CSMD3: variants seen among roughly 807,000 people sequenced by gnomAD.
CSMD3 encodes the protein CUB and sushi domain-containing protein 3.
A neutral mutation model predicts 435.2 loss-of-function variants in CSMD3; 177 were observed. The observed-to-expected ratio is 0.41, with a 90% confidence interval of 0.36 to 0.46. The LOEUF (loss-of-function observed/expected upper bound fraction) is 0.46. Among genes scored for constraint, CSMD3 ranks in the 20% least tolerant of loss-of-function variants. The probability of loss-of-function intolerance (pLI) is 0.34; values close to 1 mark genes in which losing one functional copy is unlikely to be tolerated. For missense variants in CSMD3, 4,265 were observed against 4,504.6 expected, an observed-to-expected ratio of 0.95 and a Z score of 1.52; for synonymous variants, 1,656 against 1,520.5, an observed-to-expected ratio of 1.09 and a Z score of -2.07.
At chr8:113,307,325 C>T (rs2093829398) in intron 2 of CSMD3, among the ~76,000 whole-genome samples, 1 of 152,012 alleles carries the variant, frequency 6.6e-6, no homozygotes, top group Non-Finnish European at 1.5e-5. Flanking sequence ...AAATGTACAC[C>T]TTAATTCTTC....
In CSMD3 at chr8:113,278,698, T is replaced by A. The variant is rs2132459695; in HGVS notation, c.408A>T (p.Thr136=). 6.7e-7 allele frequency: 1 copy of A among 1,495,164 alleles called. No homozygotes were observed. The highest frequency in any genetic ancestry group is 9.3e-7 in the Non-Finnish European group (1 of 1,072,132). 92.6% of individuals were successfully genotyped at this position (1,495,164 alleles called of 1,614,324 possible). Residue 136 remains threonine (T), a synonymous_variant, in exon 3 of 71, where the codon ACA becomes ACT. Transcript: ENST00000297405. Reference sequence around the variant, plus strand: ...TCACTGGAGGTGGCAGATGGAATCCTGTTAACCTAAAACAAAATGGAATTA... The same window carrying A: ...TCACTGGAGGTGGCAGATGGAATCCAGTTAACCTAAAACAAAATGGAATTA... ...PHPTNFRTRL[T]GFHLPPPVTS...
intron 4 of CSMD3, among the ~76,000 whole-genome samples, chr8:113,114,624 T>C (rs75709062): frequency 1.3e-5 from 2 of 152,282 alleles, no homozygotes; most frequent in African/African-American, 4.8e-5. Context: ...TTTATTCTTA[T>C]CATGCATTAG....
intron 22 of CSMD3, among the ~76,000 whole-genome samples, chr8:112,609,266 G>A (rs377040785): frequency 2.4e-5 from 3 of 124,232 alleles, no homozygotes; most frequent in African/African-American, 9.3e-5. Context: ...ACATATACTC[G>A]ATAAAGGGTT....
intron 6 of CSMD3, among the ~76,000 whole-genome samples, chr8:113,006,618 G>T (rs562211034): frequency 6.6e-6 from 1 of 152,030 alleles, no homozygotes; most frequent in South Asian, 2.1e-4. Flanking sequence ...AGAGAAAAGA[G>T]AGCATCTGTG....
intron 3 of CSMD3, among the ~76,000 whole-genome samples, chr8:113,253,970 T>C (rs903770768): frequency 1.8e-4 from 27 of 152,204 alleles, no homozygotes; most frequent in African/African-American, 6.5e-4. Flanking sequence ...CCACTTCAAT[T>C]TTTCCCTGTG....
intron 60 of CSMD3, among the ~76,000 whole-genome samples, 193 bp downstream of exon 60, chr8:112,265,218 T>C (rs546108635): frequency 7.6e-4 from 116 of 151,986 alleles, no homozygotes; most frequent in African/African-American, 2.7e-3. Flanking sequence ...GATATAATGT[T>C]TTTGTCAAAA....
At chr8:112,370,648 A>T (rs1171790098) in intron 38 of CSMD3, among the ~76,000 whole-genome samples, 3 of 152,140 alleles carry the variant, frequency 2.0e-5, no homozygotes, top group Non-Finnish European at 4.4e-5. Flanking sequence ...CTCAAATGTC[A>T]CAGTCTCCAT....
intron 6 of CSMD3, among the ~76,000 whole-genome samples, chr8:112,992,801 G>T (rs1039645716): frequency 1.3e-5 from 2 of 151,572 alleles, no homozygotes. Flanking sequence ...GTGTGTGTGT[G>T]CTTGTGTATG....
At chr8:112,271,327 T>A (rs1817513101) in intron 59 of CSMD3, among the ~76,000 whole-genome samples, 1 of 152,300 alleles carries the variant, frequency 6.6e-6, no homozygotes, top group Non-Finnish European at 1.5e-5. Flanking sequence ...ATGATATAAT[T>A]TTGCAGAATT....
rs565327275 is a variant in CSMD3, at chr8:113,118,385, TG to T, written c.710-19423del. On this transcript the variant is annotated intron_variant, in intron 4 of 70. Coordinates refer to ENST00000297405, the MANE Select transcript of CSMD3 (RefSeq NM_198123.2). The stretch of plus-strand genomic sequence containing the variant: ...TGGACATTTATTTGAGAGGCAGTAA[TG>T]TGCTGAGCTTAAAAGTGACTGCTCT... 2.8e-3 allele frequency among the ~76,000 whole-genome samples: 428 copies of T among 152,320 alleles called. 2 individuals are homozygous for T. Among genetic ancestry groups the T allele is most frequent in the African/African-American group, 9.6e-3 (398 of 41,584 alleles).
In CSMD3 at chr8:112,921,770, G is replaced by GA. The variant is rs761531868; in HGVS notation, c.1509-20dup. ...TCCAAGGCTAAAGTTAAATAAAAGA[G>GA]AAAAAATATGATAAGAAAGATGCAA... is the stretch of plus-strand genomic sequence containing the variant. On this transcript the variant is annotated intron_variant, in intron 9 of 70. Coordinates refer to ENST00000297405, the MANE Select transcript of CSMD3 (RefSeq NM_198123.2). The GA allele has an allele frequency of 5.7e-6, 9 of 1,581,744 alleles. No individual in the cohort carries two copies. The African/African-American group carries it at 6.8e-5, about 12-fold the overall frequency.
intron 5 of CSMD3, among the ~76,000 whole-genome samples, chr8:113,071,970 GTCT>G (rs1290657512): frequency 6.6e-6 from 1 of 151,726 alleles, no homozygotes; most frequent in East Asian, 1.9e-4. Flanking sequence ...ATTTATCTGT[GTCT>G]TCTTTAATGT....
intron 10 of CSMD3, among the ~76,000 whole-genome samples, chr8:112,908,433 C>G (rs1032350558): frequency 6.6e-6 from 1 of 151,392 alleles, no homozygotes; most frequent in Non-Finnish European, 1.5e-5. Flanking sequence ...AGCTGCAATT[C>G]AATATCTGTT....
chr8:113,189,213 T>G (rs2092550838), intron 3 of CSMD3, among the ~76,000 whole-genome samples: 1 of 151,840 alleles, frequency 6.6e-6, no homozygotes, highest in Non-Finnish European at 1.5e-5. Flanking sequence ...TGTTACTGGT[T>G]GTAGTTCATG....
At chr8:112,807,962 C>T (rs536351691) in intron 12 of CSMD3, among the ~76,000 whole-genome samples, 32 of 152,208 alleles carry the variant, frequency 2.1e-4, no homozygotes, top group African/African-American at 7.7e-4. Flanking sequence ...AATAGTGTGT[C>T]ATTGACATAC....
chr8:113,435,883 T>A (rs1325696590), intron 1 of CSMD3, among the ~76,000 whole-genome samples: 1 of 152,082 alleles, frequency 6.6e-6, no homozygotes, highest in Non-Finnish European at 1.5e-5. Flanking sequence ...GCCTTCCTGC[T>A]TGGGAATACA....
chr8:113,099,811 T>C (rs896551687), intron 4 of CSMD3, among the ~76,000 whole-genome samples: 17 of 152,092 alleles, frequency 1.1e-4, no homozygotes, highest in Non-Finnish European at 4.4e-5. Flanking sequence ...GAATTGAAGC[T>C]GGGGCATTTG....
At chr8:113,271,878 ACAGGGT>A (rs1362962386) in intron 3 of CSMD3, among the ~76,000 whole-genome samples, 6 of 152,312 alleles carry the variant, frequency 3.9e-5, no homozygotes, top group Admixed American at 3.9e-4. Context: ...CTGCAAAGCC[ACAGGGT>A]CAGAGCTGCC....
chr8:113,123,394 G>A (rs1484632560), intron 4 of CSMD3, among the ~76,000 whole-genome samples: 1 of 152,016 alleles, frequency 6.6e-6, no homozygotes, highest in Non-Finnish European at 1.5e-5. Flanking sequence ...TATGGCTTCT[G>A]GGCCAAATCT....
Sources: allele counts gnomAD v4.1 joint callset (sites outside exome capture counted in the v4.1 genomes callset), GRCh38; gene constraint gnomAD v4.1.1; transcripts MANE v1.5; gene names NCBI Gene and HGNC (gene_info 2026-07-23, HGNC 2026-07-21).